The following SPSB1 variants were observed in gnomAD, a reference collection of about 807,000 sequenced individuals.
The protein encoded by SPSB1 is splA/ryanodine receptor domain and SOCS box containing 1.
SPSB1 carries 8 observed loss-of-function variants against 21.2 expected under a neutral mutation model. The observed-to-expected ratio is 0.38, with a 90% confidence interval of 0.22 to 0.68. SPSB1 has a LOEUF of 0.68. Ranked by LOEUF, SPSB1 falls within the 30% of genes least tolerant of loss-of-function variation. SPSB1 has a pLI of 0.53. For missense variants in SPSB1, 242 were observed against 377.8 expected (o/e 0.64, Z 2.98); for synonymous variants, 169 against 161.7 (o/e 1.05, Z -0.34).
intron 2 of SPSB1, among the ~76,000 whole-genome samples, chr1:9,364,981 AG>A (rs935422391): frequency 2.0e-5 from 3 of 152,114 alleles, no homozygotes; most frequent in Non-Finnish European, 4.4e-5. Context: ...CCTCCCGAGT[AG>A]CCGGGACTAC....
rs987107446 is a variant in SPSB1, at chr1:9,356,714, C to G, written c.694+129C>G. The G allele has an allele frequency of 5.0e-6, 7 of 1,401,650 alleles. No homozygotes were observed. The highest frequency in any genetic ancestry group is 6.5e-6 in the Non-Finnish European group (7 of 1,072,436). The allele number at this position is 1,401,650 out of a possible 1,614,324, so 86.8% of individuals were successfully genotyped here. A position where few individuals can be genotyped will look rare whatever the true frequency, so the allele number is the denominator to read the frequency against. ...AGACGATATTCCAGTGTATTCAGAC[C>G]CTCAGAGGCAACTTTTGCATCGGGT... On this transcript the variant is annotated intron_variant, in intron 2 of 2. Transcript: ENST00000328089. The surrounding 1 kb of genome is among the most constrained non-coding windows in gnomAD (Gnocchi z 7.4).
rs370657469 is a variant in SPSB1, at chr1:9,333,756, C to T, written c.-149-21987C>T. ...TTTTTTTATTCCAACGGAAAGGAAA[C>T]GAGGTTGCCAAAGAGACCCAAGGAG... On this transcript the variant is annotated intron_variant, in intron 1 of 2. Transcript: ENST00000328089. 5.1e-4 allele frequency among the ~76,000 whole-genome samples: 78 copies of T among 152,126 alleles called. 1 individual carries two copies. Among genetic ancestry groups the T allele is most frequent in the African/African-American group, 1.8e-3 (76 of 41,538 alleles).
intron 1 of SPSB1, among the ~76,000 whole-genome samples, chr1:9,308,753 T>G (rs1374368579): frequency 6.6e-6 from 1 of 152,198 alleles, no homozygotes; most frequent in East Asian, 1.9e-4. Flanking sequence ...AGAGAGGTTT[T>G]CTGCGTTGCA....
chr1:9,326,482 G>A (rs1411030024), intron 1 of SPSB1, among the ~76,000 whole-genome samples: 1 of 152,226 alleles, frequency 6.6e-6, no homozygotes, highest in Non-Finnish European at 1.5e-5. Flanking sequence ...GAGGCAGGAG[G>A]TTCACCTCGA....
intron 1 of SPSB1, among the ~76,000 whole-genome samples, chr1:9,301,655 C>G (rs1168262271): frequency 2.0e-5 from 3 of 152,218 alleles, no homozygotes; most frequent in Non-Finnish European, 4.4e-5. Flanking sequence ...CCACCCCTGT[C>G]ATCGCCTGGT....
At position 9,355,948 on chromosome 1, in the gene SPSB1, C is replaced by T. The variant is rs868304412; in HGVS notation, c.57C>T (p.Tyr19=). The change falls in exon 2 of 3, where the codon TAC becomes TAT. Residue 19 remains tyrosine, a synonymous_variant. Transcript: ENST00000328089. ...IKTVDMRDPT[Y]RPLKQELQGL... ...CTGTGGACATGAGGGACCCCACGTA[C>T]AGGCCCCTGAAGCAGGAGCTCCAGG... is the stretch of plus-strand genomic sequence containing the variant. 6.2e-7 allele frequency: 1 copy of T among 1,612,736 alleles called. No homozygotes were observed. The highest frequency in any genetic ancestry group is 8.5e-7 in the Non-Finnish European group (1 of 1,179,270).
intron 2 of SPSB1, among the ~76,000 whole-genome samples, chr1:9,359,647 A>G (rs1160905151): frequency 1.3e-5 from 2 of 149,634 alleles, no homozygotes; most frequent in Non-Finnish European, 3.0e-5. Flanking sequence ...GGTTGCAGTG[A>G]GCTGAGATTG....
At chr1:9,341,999 G>T (rs1202666774) in intron 1 of SPSB1, among the ~76,000 whole-genome samples, 1 of 152,258 alleles carries the variant, frequency 6.6e-6, no homozygotes, top group Non-Finnish European at 1.5e-5. Context: ...ACCACGCCCA[G>T]CCTAGTTGGC....
chr1:9,325,342 C>T (rs1349015473), intron 1 of SPSB1, among the ~76,000 whole-genome samples: 1 of 152,124 alleles, frequency 6.6e-6, no homozygotes, highest in African/African-American at 2.4e-5. Context: ...GAGCTCTTGC[C>T]ACCTTTGGGG....
intron 1 of SPSB1, among the ~76,000 whole-genome samples, chr1:9,294,107 T>A (rs111214144): frequency 1.4e-4 from 17 of 121,106 alleles, no homozygotes; most frequent in African/African-American, 5.0e-4. Flanking sequence ...TGTCTTTGTG[T>A]GTGTCTGTGT....
chr1:9,330,418 T>G (rs1639894782), intron 1 of SPSB1, among the ~76,000 whole-genome samples: 1 of 152,116 alleles, frequency 6.6e-6, no homozygotes, highest in Non-Finnish European at 1.5e-5. Flanking sequence ...TGAGCCAAGA[T>G]TGTGTCACTG....
chr1:9,356,506 G>A lies in SPSB1; in HGVS notation c.615G>A (p.Lys205=). The change falls in exon 2 of 3, where the codon AAG becomes AAA. Residue 205 remains lysine, a synonymous_variant. Coordinates refer to ENST00000328089, the MANE Select transcript of SPSB1 (RefSeq NM_025106.4). The surrounding 1 kb of genome is among the most constrained non-coding windows in gnomAD (Gnocchi z 7.4). ...TGGGAGTGGCTTTTCGGGGACTCAAGGGCAAAAAACTGTATCCTGTAGTGA... is the reference window on the plus strand; with the variant it reads ...TGGGAGTGGCTTTTCGGGGACTCAAAGGCAAAAAACTGTATCCTGTAGTGA... ...QYMGVAFRGL[K]GKKLYPVVSA... 3 of 1,613,268 alleles carry A rather than the reference G, an allele frequency of 1.9e-6. No homozygotes were observed. The highest frequency in any genetic ancestry group is 2.5e-6 in the Non-Finnish European group (3 of 1,179,706).
intron 1 of SPSB1, among the ~76,000 whole-genome samples, chr1:9,308,294 C>T (rs1639454799): frequency 6.6e-6 from 1 of 152,170 alleles, no homozygotes; most frequent in South Asian, 2.1e-4. Flanking sequence ...TTGCCCTGGG[C>T]CCATCCTTGG....
chr1:9,312,220 T>C lies in SPSB1; in HGVS notation c.-150+19149T>C, dbSNP rs1325976748. ...TCTCGCTCTGTCACCCAGGCTGCAG[T>C]GCTATGTTGCTCAGGTTGGTCTCGA... On this transcript the variant is annotated intron_variant, in intron 1 of 2. Transcript: ENST00000328089. Among the ~76,000 whole-genome samples the C allele has an allele frequency of 5.3e-5, 8 of 152,126 alleles. No individual in the cohort carries two copies. In the East Asian group the frequency reaches 1.5e-3, roughly 29 times the overall value.
rs541355238 is a variant in SPSB1, at chr1:9,345,254, C to A, written c.-149-10489C>A. Among the ~76,000 whole-genome samples the A allele has an allele frequency of 6.6e-6, 1 of 152,320 alleles. No homozygotes were observed. Among genetic ancestry groups the A allele is most frequent in the East Asian group, 1.9e-4 (1 of 5,186 alleles). ...GCTGGGGGTTGGAGGGCAAAGAGCACCAGCGTCTCTGAGCCTGTCCCCGTG... is the reference window on the plus strand; with the variant it reads ...GCTGGGGGTTGGAGGGCAAAGAGCAACAGCGTCTCTGAGCCTGTCCCCGTG... On this transcript the variant is annotated intron_variant, in intron 1 of 2. Coordinates refer to ENST00000328089, the MANE Select transcript of SPSB1 (RefSeq NM_025106.4). The surrounding 1 kb of genome is among the most constrained non-coding windows in gnomAD (Gnocchi z 4.8).
chr1:9,322,246 T>TA (rs1322402048), intron 1 of SPSB1, among the ~76,000 whole-genome samples: 6 of 152,254 alleles, frequency 3.9e-5, no homozygotes, highest in Admixed American at 3.9e-4. Context: ...TCGTCTCCTC[T>TA]AATCCCCACA....
In SPSB1 at chr1:9,356,404, C is replaced by G. The variant is rs1219910085; in HGVS notation, c.513C>G (p.Phe171Leu). Reference protein sequence around the residue: ...YPAFLEPDETFIVPDSFLVAL... With the variant: ...YPAFLEPDETLIVPDSFLVAL... ...CCTTTCTGGAACCAGATGAGACATT[C>G]ATTGTCCCTGACTCCTTCCTGGTAG... The change falls in exon 2 of 3, where the codon TTC becomes TTG. Residue 171 changes from phenylalanine (F) to leucine (L), a missense_variant. Phe to Leu is a conservative substitution (Grantham distance 22, BLOSUM62 0). Coordinates refer to ENST00000328089, the MANE Select transcript of SPSB1 (RefSeq NM_025106.4). The surrounding 1 kb of genome is among the most constrained non-coding windows in gnomAD (Gnocchi z 7.4). 8.1e-6 allele frequency: 13 copies of G among 1,614,184 alleles called. No homozygotes were observed. The highest frequency in any genetic ancestry group is 9.3e-6 in the Non-Finnish European group (11 of 1,180,044).
intron 1 of SPSB1, among the ~76,000 whole-genome samples, chr1:9,328,167 C>T (rs539284126): frequency 1.3e-5 from 2 of 152,340 alleles, no homozygotes; most frequent in African/African-American, 4.8e-5. Flanking sequence ...GCCAGACGAA[C>T]GTGGCTGTGT....
intron 2 of SPSB1, among the ~76,000 whole-genome samples, chr1:9,364,847 C>T (rs187273198): frequency 4.8e-4 from 62 of 129,494 alleles, no homozygotes; most frequent in Non-Finnish European, 8.0e-4. Flanking sequence ...TTGTTGTTGT[C>T]GTTGTTGTTG....
Sources: allele counts gnomAD v4.1 joint callset (sites outside exome capture counted in the v4.1 genomes callset), GRCh38; gene constraint gnomAD v4.1.1; non-coding constraint Gnocchi (gnomAD v3.1); transcripts MANE v1.5; gene names NCBI Gene and HGNC (gene_info 2026-07-23, HGNC 2026-07-21).